Variants in MAGI1 observed in about 807,000 individuals in gnomAD.
MAGI1 encodes the protein membrane associated guanylate kinase, WW and PDZ domain containing 1, also known as membrane-associated guanylate kinase, WW and PDZ domain-containing protein 1.
In MAGI1, 58 loss-of-function variants were observed where a neutral mutation model predicts 139.9. That is an observed-to-expected ratio of 0.41 (90% CI 0.34 to 0.52). MAGI1 has a LOEUF of 0.52. MAGI1 is among the 20% of genes least tolerant of loss of function. MAGI1 has a pLI of 0.12. For synonymous variants in MAGI1, 812 were observed against 737.9 expected (o/e 1.10, Z -1.63); for missense variants, 1,874 against 1,901.6 (o/e 0.99, Z 0.27).
chr3:65,672,247 C>G (rs1001365342), intron 1 of MAGI1, among the ~76,000 whole-genome samples: 1 of 152,174 alleles, frequency 6.6e-6, no homozygotes, highest in Non-Finnish European at 1.5e-5. Context: ...ATTGTCTACA[C>G]TTCAGACATG....
chr3:65,691,093 G>C lies in MAGI1; in HGVS notation c.314-69005C>G, dbSNP rs1377804238. On this transcript the variant is annotated intron_variant, in intron 1 of 22. Transcript: ENST00000402939. ...CGGGGCAGGCGGATCACAAGGTCAG[G>C]AGATTGAGACCATCTTGGCTAACAC... Among the ~76,000 whole-genome samples the C allele has an allele frequency of 2.0e-5, 3 of 152,012 alleles. No individual in the cohort carries two copies. In the East Asian group the frequency reaches 5.8e-4, roughly 30 times the overall value.
chr3:65,447,713 AGCATCTC>A (rs1948761895), intron 7 of MAGI1, among the ~76,000 whole-genome samples: 1 of 152,244 alleles, frequency 6.6e-6, no homozygotes, highest in Non-Finnish European at 1.5e-5. Flanking sequence ...GGACACAGCG[AGCATCTC>A]TTCGGTTCTT....
At chr3:65,582,944 C>T (rs2081507042) in intron 2 of MAGI1, among the ~76,000 whole-genome samples, 1 of 152,126 alleles carries the variant, frequency 6.6e-6, no homozygotes, top group African/African-American at 2.4e-5. Context: ...TAATGTAAAC[C>T]ACATATATGA....
chr3:65,438,164 G>C (rs1300999874), intron 9 of MAGI1, among the ~76,000 whole-genome samples: 1 of 152,058 alleles, frequency 6.6e-6, no homozygotes, highest in Non-Finnish European at 1.5e-5. Flanking sequence ...AAGAAAATGT[G>C]GTATGTATGC....
chr3:65,622,132 C>A, intron 1 of MAGI1, 44 bp from the exon 2 acceptor site: 1 of 1,363,136 alleles, frequency 7.3e-7, no homozygotes, highest in East Asian at 2.3e-5. Context: ...CAACACAGGG[C>A]CTCCTAGAAA....
chr3:65,550,976 G>A (rs896467292), intron 2 of MAGI1, among the ~76,000 whole-genome samples: 3 of 152,054 alleles, frequency 2.0e-5, no homozygotes, highest in Non-Finnish European at 4.4e-5. Context: ...AAAAAGAAAC[G>A]GAATTCCCAG....
At chr3:65,549,416 C>G (rs2079703393) in intron 2 of MAGI1, 1 of 985,000 alleles carries the variant, frequency 1.0e-6, no homozygotes, top group South Asian at 4.7e-5. Context: ...ACCTGCGGGC[C>G]CCGGAGCGGC....
chr3:65,502,862 T>A (rs2077136157), intron 2 of MAGI1, among the ~76,000 whole-genome samples: 1 of 152,052 alleles, frequency 6.6e-6, no homozygotes, highest in South Asian at 2.1e-4. Context: ...GTGGTCATGG[T>A]GCCAAGGAAA....
chr3:65,394,041 C>T (rs1192626648), intron 13 of MAGI1, among the ~76,000 whole-genome samples: 3 of 152,130 alleles, frequency 2.0e-5, no homozygotes, highest in Non-Finnish European at 4.4e-5. Flanking sequence ...CTTTTACATA[C>T]ATACCTGTAC....
intron 1 of MAGI1, among the ~76,000 whole-genome samples, chr3:66,024,532 C>A (rs1402320203): frequency 2.0e-5 from 3 of 152,046 alleles, no homozygotes; most frequent in African/African-American, 4.8e-5. Flanking sequence ...TCCAGCCGGG[C>A]GCGGTGGCTC....
At chr3:65,387,212 G>A in intron 14 of MAGI1, 1 of 1,613,882 alleles carries the variant, frequency 6.2e-7, no homozygotes, top group Non-Finnish European at 8.5e-7. Context: ...CCCGACGCAG[G>A]TGAAGGTGAC....
At chr3:65,671,647 T>C (rs914525111) in intron 1 of MAGI1, among the ~76,000 whole-genome samples, 2 of 152,176 alleles carry the variant, frequency 1.3e-5, no homozygotes, top group Non-Finnish European at 2.9e-5. Flanking sequence ...TAGTCCATCA[T>C]TTGTCACCAA....
At chr3:65,419,139 C>T (rs894077349) in intron 12 of MAGI1, among the ~76,000 whole-genome samples, 1 of 152,032 alleles carries the variant, frequency 6.6e-6, no homozygotes, top group Non-Finnish European at 1.5e-5. Context: ...AGCCCCATGG[C>T]TCTAAATAAC....
intron 1 of MAGI1, among the ~76,000 whole-genome samples, chr3:65,702,342 G>A: frequency 6.6e-6 from 1 of 152,150 alleles, no homozygotes; most frequent in Admixed American, 6.5e-5. Flanking sequence ...AGTTTCCACA[G>A]TGGAACCCAA....
chr3:65,949,434 A>G (rs111460452), intron 1 of MAGI1, among the ~76,000 whole-genome samples: 82 of 152,352 alleles, frequency 5.4e-4, no homozygotes, highest in African/African-American at 1.9e-3. Flanking sequence ...TTCTGTCTCA[A>G]TCGTCATTTA....
intron 1 of MAGI1, among the ~76,000 whole-genome samples, chr3:65,738,126 T>C (rs1282251404): frequency 6.6e-6 from 1 of 152,180 alleles, no homozygotes; most frequent in Non-Finnish European, 1.5e-5. Flanking sequence ...ATCCCATCAA[T>C]ATCCTCAGAG....
At chr3:65,526,318 C>T (rs1267588581) in intron 2 of MAGI1, among the ~76,000 whole-genome samples, 5 of 151,970 alleles carry the variant, frequency 3.3e-5, no homozygotes, top group Non-Finnish European at 7.4e-5. Context: ...ACAAATGGGG[C>T]GTCACTGAAA....
chr3:65,497,810 G>A (rs1952558734), intron 2 of MAGI1, among the ~76,000 whole-genome samples: 1 of 152,136 alleles, frequency 6.6e-6, no homozygotes, highest in African/African-American at 2.4e-5. Flanking sequence ...CATTTCAGCA[G>A]AAACATGAAA....
At chr3:65,845,553 T>C (rs1409614436) in intron 1 of MAGI1, among the ~76,000 whole-genome samples, 2 of 152,320 alleles carry the variant, frequency 1.3e-5, no homozygotes, top group African/African-American at 4.8e-5. Context: ...TTTTTCATCA[T>C]CCAATGCATC....
Sources: gnomAD v4.1 joint callset for allele counts (sites outside exome capture counted in the v4.1 genomes callset) on GRCh38, gnomAD v4.1.1 for gene constraint, MANE v1.5 for transcripts, NCBI Gene and HGNC (gene_info 2026-07-23, HGNC 2026-07-21) for gene names.